C14orf132: variants seen among roughly 807,000 people sequenced by gnomAD.
The protein encoded by C14orf132 is chromosome 14 open reading frame 132, also known as uncharacterized protein C14orf132.
In C14orf132, 6 loss-of-function variants were observed where a neutral mutation model predicts 5.8. That is an observed-to-expected ratio of 1.03 (90% confidence interval 0.57 to 2.04). The LOEUF is 2.04. Among genes scored for constraint, C14orf132 ranks in the 30% most tolerant of loss-of-function variants. C14orf132 has a pLI of 0.00. For missense variants in C14orf132, 125 were observed against 115.8 expected (o/e 1.08, Z -0.37); for synonymous variants, 51 against 49.8 (o/e 1.02, Z -0.10).
At chr14:96,041,965 C>T (rs189855457) in intron 1 of C14orf132, among the ~76,000 whole-genome samples, 16 of 152,214 alleles carry the variant, frequency 1.1e-4, no homozygotes, top group Non-Finnish European at 2.2e-4. Flanking sequence ...GTGCCCAGCA[C>T]GTAGTAGGTC....
chr14:96,082,883 C>A (rs1223809329), intron 1 of C14orf132, among the ~76,000 whole-genome samples: 1 of 152,224 alleles, frequency 6.6e-6, no homozygotes, highest in Non-Finnish European at 1.5e-5. Context: ...GCATTCTCTT[C>A]ATTACTTATA....
chr14:96,061,421 A>G (rs1311133397), intron 1 of C14orf132, among the ~76,000 whole-genome samples: 1 of 152,152 alleles, frequency 6.6e-6, no homozygotes, highest in African/African-American at 2.4e-5. Context: ...TCATAGGTTC[A>G]TTTAAGGAGC....
chr14:96,078,416 G>A (rs1217386542), intron 1 of C14orf132, among the ~76,000 whole-genome samples: 1 of 152,232 alleles, frequency 6.6e-6, no homozygotes, highest in African/African-American at 2.4e-5. Context: ...AGTCCTGGGA[G>A]ATAAAAAAGG....
intron 1 of C14orf132, among the ~76,000 whole-genome samples, chr14:96,052,238 CG>C (rs1225928598): frequency 6.6e-6 from 1 of 152,234 alleles, no homozygotes; most frequent in Non-Finnish European, 1.5e-5. Flanking sequence ...CCAGCCTGGC[CG>C]TCTCTGCAGC....
At chr14:96,053,279 C>T (rs929058073) in intron 1 of C14orf132, among the ~76,000 whole-genome samples, 4 of 152,200 alleles carry the variant, frequency 2.6e-5, no homozygotes, top group East Asian at 1.9e-4. Context: ...AGCCAGACAC[C>T]GTTCTAGGCA....
At chr14:96,065,066 CTGGACATCATG>C (rs1887491463) in intron 1 of C14orf132, among the ~76,000 whole-genome samples, 1 of 152,086 alleles carries the variant, frequency 6.6e-6, no homozygotes, top group Non-Finnish European at 1.5e-5. Flanking sequence ...ACGTGACTTC[CTGGACATCATG>C]TGTAGCGGTC....
intron 1 of C14orf132, among the ~76,000 whole-genome samples, chr14:96,065,344 G>T (rs1050619360): frequency 6.6e-6 from 1 of 152,078 alleles, no homozygotes; most frequent in African/African-American, 2.4e-5. Context: ...GCCTTTTGTT[G>T]CTGTTGTTTC....
intron 1 of C14orf132, among the ~76,000 whole-genome samples, chr14:96,080,431 T>C (rs915113493): frequency 1.3e-5 from 2 of 152,222 alleles, no homozygotes; most frequent in Admixed American, 6.5e-5. Context: ...GCACTGAGAC[T>C]GCATCTAATG....
intron 1 of C14orf132, among the ~76,000 whole-genome samples, chr14:96,079,656 T>G (rs1202278559): frequency 6.6e-6 from 1 of 152,134 alleles, no homozygotes; most frequent in Admixed American, 6.5e-5. Flanking sequence ...CTGTCCAGCC[T>G]TTATGTTTAG....
rs1888492890 is a variant in C14orf132 at position 96,093,732 on chromosome 14, ACT to A, written c.*7000_*7001del. The stretch of plus-strand genomic sequence containing the variant: ...GATCACTGACTTCTCTACAGTGAAG[ACT>A]CTTTCTTAATAAAGGATTTCGCTGT... On this transcript the variant is annotated 3_prime_UTR_variant, in exon 2 of 2. Transcript: ENST00000555004. 6.6e-6 allele frequency: 1 copy of A among 152,160 alleles called. No homozygotes were observed. The highest frequency in any genetic ancestry group is 6.6e-5 in the Admixed American group (1 of 15,266). 9.4% of individuals were successfully genotyped at this position (152,160 alleles called of 1,614,324 possible).
intron 1 of C14orf132, among the ~76,000 whole-genome samples, chr14:96,056,007 C>T (rs1009758931): frequency 6.6e-6 from 1 of 152,068 alleles, no homozygotes; most frequent in East Asian, 1.9e-4. Context: ...GAACCCACCC[C>T]CTGGGATTTA....
At chr14:96,084,110 T>G (rs1888109974) in intron 1 of C14orf132, among the ~76,000 whole-genome samples, 1 of 152,218 alleles carries the variant, frequency 6.6e-6, no homozygotes, top group Non-Finnish European at 1.5e-5. Flanking sequence ...ACAGGACATA[T>G]GCCCAGAGAG....
Position 96,049,568 on chromosome 14 carries a change from A to ATG in C14orf132, c.27+10042_27+10043insGT, listed in dbSNP as rs200768075. On this transcript the variant is annotated intron_variant, in intron 1 of 1. Transcript: ENST00000555004. ...TATATATATACATATATACGTATAT[A>ATG]TACATATATACGTATATATATACAT... 1.6e-3 allele frequency among the ~76,000 whole-genome samples: 181 copies of ATG among 115,534 alleles called. 4 individuals are homozygous for ATG. Among genetic ancestry groups the ATG allele is most frequent in the Middle Eastern group, 4.7e-3 (1 of 214 alleles). 75.8% of individuals were successfully genotyped at this position (115,534 alleles called of 152,430 possible). A position where few individuals can be genotyped will look rare whatever the true frequency, so the allele number is the denominator to read the frequency against.
In C14orf132 at chr14:96,090,518, A is replaced by C; in HGVS notation, c.*3783A>C. 1 of 435,944 alleles carries C rather than the reference A, an allele frequency of 2.3e-6. No homozygotes were observed. Among genetic ancestry groups the C allele is most frequent in the Non-Finnish European group, 4.6e-6 (1 of 215,714 alleles). 27.0% of individuals were successfully genotyped at this position (435,944 alleles called of 1,614,324 possible). A position where few individuals can be genotyped will look rare whatever the true frequency, so the allele number is the denominator to read the frequency against. On this transcript the variant is annotated 3_prime_UTR_variant, in exon 2 of 2. Transcript: ENST00000555004. ...CTGTAGCCAGGCCTGTCTTAAGAGG[A>C]CTTGTGCTTCCAGGGACCCAGGCAG...
intron 1 of C14orf132, among the ~76,000 whole-genome samples, chr14:96,051,412 G>A (rs1225156412): frequency 6.6e-6 from 1 of 152,196 alleles, no homozygotes; most frequent in African/African-American, 2.4e-5. Flanking sequence ...GGGAAATGCC[G>A]GGAGCAGGTT....
intron 1 of C14orf132, among the ~76,000 whole-genome samples, chr14:96,048,707 G>A (rs532725323): frequency 1.3e-5 from 2 of 151,988 alleles, no homozygotes; most frequent in African/African-American, 4.8e-5. Flanking sequence ...TGTGTTTTTA[G>A]TGGAGATGGG....
chr14:96,072,516 A>C (rs1887744821), intron 1 of C14orf132, among the ~76,000 whole-genome samples: 1 of 152,216 alleles, frequency 6.6e-6, no homozygotes, highest in Non-Finnish European at 1.5e-5. Context: ...TAATATGCAT[A>C]CCAGAAAATT....
chr14:96,067,424 C>G (rs1166539694), intron 1 of C14orf132, among the ~76,000 whole-genome samples: 1 of 152,078 alleles, frequency 6.6e-6, no homozygotes, highest in Non-Finnish European at 1.5e-5. Flanking sequence ...CTGCAACAAA[C>G]ATGAACATTG....
At chr14:96,072,830 C>A (rs937889499) in intron 1 of C14orf132, among the ~76,000 whole-genome samples, 1 of 152,304 alleles carries the variant, frequency 6.6e-6, no homozygotes, top group East Asian at 1.9e-4. Flanking sequence ...TCATTTTTAT[C>A]GCCAAGTGGG....
Sources: gnomAD v4.1 joint callset for allele counts (sites outside exome capture counted in the v4.1 genomes callset) on GRCh38, gnomAD v4.1.1 for gene constraint, MANE v1.5 for transcripts, NCBI Gene and HGNC (gene_info 2026-07-23, HGNC 2026-07-21) for gene names.